Variants in HIVEP3 observed in about 807,000 individuals in gnomAD.
The protein encoded by HIVEP3 is HIVEP zinc finger 3, also known as transcription factor HIVEP3.
In HIVEP3, 49 loss-of-function variants were observed where a neutral mutation model predicts 152.8. The observed-to-expected ratio is 0.32, with a 90% CI of 0.26 to 0.41. The LOEUF (loss-of-function observed/expected upper bound fraction) is 0.41. HIVEP3 is among the 10% of genes least tolerant of loss of function. The probability of loss-of-function intolerance (pLI) is 1.00; values close to 1 mark genes in which losing one functional copy is unlikely to be tolerated. For missense variants in HIVEP3, 2,790 were observed against 3,103.3 expected, an observed-to-expected ratio of 0.90 and a Z score of 2.40; for synonymous variants, 1,269 against 1,289.0, an observed-to-expected ratio of 0.98 and a Z score of 0.33.
chr1:41,824,996 C>G (rs1364272849), intron 1 of HIVEP3, among the ~76,000 whole-genome samples: 1 of 151,756 alleles, frequency 6.6e-6, no homozygotes, highest in Non-Finnish European at 1.5e-5. Flanking sequence ...CCTTGGCCTC[C>G]CGAGTAGATG....
intron 5 of HIVEP3, among the ~76,000 whole-genome samples, chr1:41,548,518 A>G (rs1345954855): frequency 1.4e-5 from 2 of 146,548 alleles, no homozygotes; most frequent in South Asian, 2.3e-4. Context: ...CCTAAAATGT[A>G]CCACTTGAAC....
At chr1:41,687,057 G>A (rs1441735071) in intron 2 of HIVEP3, among the ~76,000 whole-genome samples, 1 of 152,152 alleles carries the variant, frequency 6.6e-6, no homozygotes, top group Non-Finnish European at 1.5e-5. Context: ...TGTTAAGTAG[G>A]GGACCAGAGA....
intron 1 of HIVEP3, among the ~76,000 whole-genome samples, chr1:41,935,852 G>A (rs1249402897): frequency 6.6e-6 from 1 of 151,174 alleles, no homozygotes. Flanking sequence ...AACATAATGT[G>A]ATATTCTAAG....
intron 2 of HIVEP3, among the ~76,000 whole-genome samples, chr1:41,684,999 C>T (rs752970722): frequency 2.0e-5 from 3 of 152,212 alleles, no homozygotes; most frequent in Non-Finnish European, 4.4e-5. Context: ...CCTATCACCA[C>T]GTGCTTGTGT....
chr1:41,536,923 T>C (rs1300517059), intron 5 of HIVEP3, among the ~76,000 whole-genome samples: 9 of 152,204 alleles, frequency 5.9e-5, no homozygotes, highest in Admixed American at 2.0e-4. Flanking sequence ...TCAGGTCACC[T>C]GGCTACAAGG....
At chr1:41,923,174 A>G (rs72965251), upstream of HIVEP3, among the ~76,000 whole-genome samples, 5,574 of 152,338 alleles carry the variant, frequency 0.037, 321 homozygotes, top group African/African-American at 0.13. Context: ...ATGGTAGTTA[A>G]GTAATAAAAA....
chr1:42,013,254 C>T (rs1645503566), intron 1 of HIVEP3, among the ~76,000 whole-genome samples: 1 of 152,198 alleles, frequency 6.6e-6, no homozygotes, highest in Admixed American at 6.5e-5. Flanking sequence ...TTAGAGCCCA[C>T]ACTAATGACC....
At position 41,780,788 on chromosome 1, in the gene HIVEP3, G is replaced by C. The variant is rs148042414; in HGVS notation, c.-800-79793C>G. On this transcript the variant is annotated intron_variant, in intron 1 of 8. Transcript: ENST00000372583. Reference sequence around the variant, plus strand: ...AAACATGCACCTAGGGGCTTCTGGTGAGCAAGGAGGAAGGCTATGCTAAGC... The same window carrying C: ...AAACATGCACCTAGGGGCTTCTGGTCAGCAAGGAGGAAGGCTATGCTAAGC... 1.1e-3 allele frequency among the ~76,000 whole-genome samples: 167 copies of C among 152,292 alleles called. 1 individual carries two copies. The Middle Eastern group carries it at 0.031, about 28-fold the overall frequency.
chr1:41,816,311 A>G (rs575688915), intron 1 of HIVEP3, among the ~76,000 whole-genome samples: 5 of 152,174 alleles, frequency 3.3e-5, no homozygotes, highest in Non-Finnish European at 5.9e-5. Flanking sequence ...GGCCATTCAA[A>G]CCTGGTGAAA....
chr1:41,648,685 A>G (rs1199556334), intron 2 of HIVEP3, among the ~76,000 whole-genome samples: 4 of 152,234 alleles, frequency 2.6e-5, no homozygotes, highest in African/African-American at 9.6e-5. Flanking sequence ...GGTTACATGA[A>G]TTTAAAAGTT....
chr1:41,526,869 AC>A (rs1015237799), intron 5 of HIVEP3, among the ~76,000 whole-genome samples: 2 of 110,372 alleles, frequency 1.8e-5, no homozygotes, highest in South Asian at 3.3e-4. Flanking sequence ...ACGCTCACAC[AC>A]AGCCTCACAA....
chr1:41,772,765 C>G (rs971685980), intron 1 of HIVEP3, among the ~76,000 whole-genome samples: 1 of 152,088 alleles, frequency 6.6e-6, no homozygotes, highest in African/African-American at 2.4e-5. Flanking sequence ...CAAAAATTAC[C>G]CGGGTGTGGT....
At chr1:41,519,294 G>A (rs888144275) in intron 6 of HIVEP3, among the ~76,000 whole-genome samples, 16 of 152,172 alleles carry the variant, frequency 1.1e-4, no homozygotes, top group African/African-American at 3.6e-4. Context: ...CAAGTTGTAG[G>A]TCCAGCCCAC....
chr1:41,545,332 C>T (rs1643734766), intron 5 of HIVEP3, among the ~76,000 whole-genome samples: 1 of 142,290 alleles, frequency 7.0e-6, no homozygotes, highest in East Asian at 2.2e-4. Flanking sequence ...GCCACCATCA[C>T]CACTATCACC....
intron 2 of HIVEP3, among the ~76,000 whole-genome samples, chr1:41,674,325 T>C (rs1645921618): frequency 6.6e-6 from 1 of 152,242 alleles, no homozygotes; most frequent in African/African-American, 2.4e-5. Flanking sequence ...CCCATGCCAC[T>C]GTTTTGTGGA....
chr1:41,902,865 G>A (rs778313415), intron 1 of HIVEP3, among the ~76,000 whole-genome samples: 10 of 152,308 alleles, frequency 6.6e-5, no homozygotes, highest in Admixed American at 2.6e-4. Flanking sequence ...GAAAGACATC[G>A]AGGCTCTTAC....
At chr1:41,568,858 T>C (rs1644209207) in intron 5 of HIVEP3, among the ~76,000 whole-genome samples, 2 of 152,218 alleles carry the variant, frequency 1.3e-5, no homozygotes, top group Non-Finnish European at 2.9e-5. Context: ...CCAAATCTCA[T>C]GTCAAATTGT....
intron 1 of HIVEP3, among the ~76,000 whole-genome samples, chr1:41,832,995 C>T (rs1245914112): frequency 6.6e-6 from 1 of 152,216 alleles, no homozygotes; most frequent in Non-Finnish European, 1.5e-5. Flanking sequence ...CTTCTTAGAA[C>T]AAATGAGGGC....
intron 1 of HIVEP3, among the ~76,000 whole-genome samples, chr1:41,733,058 G>C (rs1330494167): frequency 6.6e-6 from 1 of 152,210 alleles, no homozygotes; most frequent in Non-Finnish European, 1.5e-5. Flanking sequence ...AAGCAGTTCA[G>C]AGCACACTGG....
Sources: gnomAD v4.1 joint callset for allele counts (sites outside exome capture counted in the v4.1 genomes callset) on GRCh38, gnomAD v4.1.1 for gene constraint, MANE v1.5 for transcripts, NCBI Gene and HGNC (gene_info 2026-07-23, HGNC 2026-07-21) for gene names.